MATR3: variants seen among roughly 807,000 people sequenced by gnomAD.
MATR3 encodes the protein matrin 3.
In MATR3, 4 loss-of-function variants were observed where a neutral mutation model predicts 85.5. The observed-to-expected ratio is 0.05, with a 90% CI of 0.02 to 0.11. MATR3 has a LOEUF of 0.11. MATR3 is among the 10% of genes least tolerant of loss of function. The pLI is 1.00. For missense variants in MATR3, 685 were observed against 1,016.1 expected, an observed-to-expected ratio of 0.67 and a Z score of 4.43; for synonymous variants, 336 against 343.1, an observed-to-expected ratio of 0.98 and a Z score of 0.23.
At chr5:139,316,393 C>T (rs1755245103) in intron 5 of MATR3, among the ~76,000 whole-genome samples, 1 of 151,734 alleles carries the variant, frequency 6.6e-6, no homozygotes, top group South Asian at 2.1e-4. Context: ...TTACAGGTGC[C>T]CACCACCACG....
chr5:139,326,024 G>A (rs1031528697), intron 13 of MATR3, 139 bp from the exon 14 acceptor site: 49 of 758,212 alleles, frequency 6.5e-5, no homozygotes, highest in Admixed American at 1.2e-4. Flanking sequence ...AATATGGTTC[G>A]GTTTTTGTTT....
intron 3 of MATR3, chr5:139,280,740 GGC>G (rs1327640693): frequency 6.6e-6 from 1 of 152,142 alleles, no homozygotes; most frequent in Non-Finnish European, 1.5e-5. Context: ...TTAAATCTGA[GGC>G]CTCAAGTTCT....
At chr5:139,325,225 C>T in intron 12 of MATR3, 1 of 1,529,172 alleles carries the variant, frequency 6.5e-7, no homozygotes, top group Non-Finnish European at 8.8e-7. Context: ...TATCCGTTTC[C>T]CTTCAAGTAA....
chr5:139,325,416 G>T (rs748208649), intron 12 of MATR3, 24 bp from the exon 13 acceptor site: 10 of 1,614,046 alleles, frequency 6.2e-6, no homozygotes, highest in Non-Finnish European at 8.5e-6. Context: ...TGACAAAAAT[G>T]ATGATGGTTT....
chr5:139,329,900 G>A lies in MATR3; in HGVS notation c.*505G>A. ...TGGAGAACTTAATTAACGTGAGATT[G>A]GCAATTGAAATGCAGGTGCAGTTTT... On this transcript the variant is annotated 3_prime_UTR_variant, in exon 15 of 15. Coordinates refer to ENST00000394805, the MANE Select transcript of MATR3 (RefSeq NM_018834.6). 1 of 454,510 alleles carries A rather than the reference G, an allele frequency of 2.2e-6. No individual in the cohort carries two copies. Among genetic ancestry groups the A allele is most frequent in the East Asian group, 6.9e-5 (1 of 14,400 alleles). 28.2% of individuals were successfully genotyped at this position (454,510 alleles called of 1,614,324 possible).
intron 1 of MATR3, among the ~76,000 whole-genome samples, chr5:139,299,662 A>G (rs985178877): frequency 1.3e-4 from 20 of 152,298 alleles, no homozygotes; most frequent in South Asian, 1.0e-3. Context: ...TGTCTTGAAA[A>G]AGGAAATCGT....
At chr5:139,276,540 C>T (rs539841224) in intron 2 of MATR3, among the ~76,000 whole-genome samples, 38 of 152,296 alleles carry the variant, frequency 2.5e-4, no homozygotes, top group Non-Finnish European at 3.4e-4. Context: ...AAGGTTTAAT[C>T]TGTGAGAGCA....
chr5:139,304,223 C>T (rs1307130460), intron 1 of MATR3, among the ~76,000 whole-genome samples: 1 of 152,046 alleles, frequency 6.6e-6, no homozygotes, highest in Non-Finnish European at 1.5e-5. Flanking sequence ...ATTTGGTTAT[C>T]GGGCCAGGCG....
chr5:139,308,862 T>A (rs180977613), intron 2 of MATR3, among the ~76,000 whole-genome samples: 2 of 152,346 alleles, frequency 1.3e-5, no homozygotes, highest in Admixed American at 6.5e-5. Flanking sequence ...CTTCCTTTTT[T>A]AATTTCCCTT....
intron 2 of MATR3, chr5:139,278,789 T>C (rs545646962): frequency 2.0e-6 from 1 of 506,930 alleles, no homozygotes; most frequent in East Asian, 5.6e-5. Context: ...CATCCAGCGG[T>C]TGTCAGCTAT....
chr5:139,277,149 T>C (rs78286628), intron 2 of MATR3, among the ~76,000 whole-genome samples: 1 of 151,396 alleles, frequency 6.6e-6, no homozygotes, highest in Admixed American at 6.6e-5. Flanking sequence ...TTTTTTTTTT[T>C]AATTTGTAGA....
intron 6 of MATR3, 27 bp from the exon 7 acceptor site, chr5:139,317,569 G>A: frequency 6.2e-7 from 1 of 1,606,034 alleles, no homozygotes; most frequent in Non-Finnish European, 8.5e-7. Flanking sequence ...AGACTTAATT[G>A]CTTGGTTTTT....
intron 1 of MATR3, among the ~76,000 whole-genome samples, chr5:139,300,909 G>A (rs544260615): frequency 3.1e-4 from 47 of 152,284 alleles, no homozygotes; most frequent in African/African-American, 1.1e-3. Flanking sequence ...CGTCTTCTGG[G>A]TTCAAGTGAT....
Position 139,330,177 on chromosome 5 carries a change from CA to C in MATR3, c.*783del. The stretch of plus-strand genomic sequence containing the variant: ...CATTTGATTTTTGAAGTGTGTAGAC[CA>C]TCTCTTCATATTTTCAAGATGTAAT... On this transcript the variant is annotated 3_prime_UTR_variant, in exon 15 of 15. Transcript: ENST00000394805. The C allele has an allele frequency of 2.2e-6, 1 of 454,264 alleles. No homozygotes were observed. The highest frequency in any genetic ancestry group is 4.4e-6 in the Non-Finnish European group (1 of 226,722). 28.1% of individuals were successfully genotyped at this position (454,264 alleles called of 1,614,324 possible).
intron 2 of MATR3, chr5:139,313,780 C>A (rs1424259220): frequency 2.0e-5 from 3 of 152,136 alleles, no homozygotes; most frequent in Non-Finnish European, 4.4e-5. Context: ...AAAAGCCATT[C>A]CTGTTGAATC....
chr5:139,323,133 T>A (rs1053457556), intron 12 of MATR3, among the ~76,000 whole-genome samples, 166 bp downstream of exon 12: 1 of 152,158 alleles, frequency 6.6e-6, no homozygotes, highest in African/African-American at 2.4e-5. Flanking sequence ...CAATAAATAA[T>A]TAAATAAGAC....
At chr5:139,289,703 G>A (rs779730502), upstream of MATR3, among the ~76,000 whole-genome samples, 1 of 152,022 alleles carries the variant, frequency 6.6e-6, no homozygotes, top group Non-Finnish European at 1.5e-5. Flanking sequence ...CAATTCCTTC[G>A]TTAAGATATC....
At chr5:139,305,969 G>A (rs1226386228) in intron 1 of MATR3, among the ~76,000 whole-genome samples, 1 of 151,962 alleles carries the variant, frequency 6.6e-6, no homozygotes, top group Non-Finnish European at 1.5e-5. Context: ...GTAACTACTG[G>A]ATATTGTCTG....
rs767963255 is a variant in MATR3 at position 139,318,883 on chromosome 5, G to A, written c.1309-25G>A. 15 of 1,613,166 alleles carry A rather than the reference G, an allele frequency of 9.3e-6. No individual in the cohort carries two copies. The Admixed American group carries it at 2.5e-4, about 27-fold the overall frequency. On this transcript the variant is annotated intron_variant, in intron 7 of 14. Coordinates refer to ENST00000394805, the MANE Select transcript of MATR3 (RefSeq NM_018834.6). The stretch of plus-strand genomic sequence containing the variant: ...GAGAAAGCTGATTGGAAAAAACAGA[G>A]AAATAACTTTTTGTATAATTTCAGG...
Sources: gnomAD v4.1 joint callset for allele counts (sites outside exome capture counted in the v4.1 genomes callset) on GRCh38, gnomAD v4.1.1 for gene constraint, MANE v1.5 for transcripts, NCBI Gene and HGNC (gene_info 2026-07-23, HGNC 2026-07-21) for gene names.